NASP: variants seen among roughly 807,000 people sequenced by gnomAD.
The protein encoded by NASP is NASP histone chaperone.
In NASP, 24 loss-of-function variants were observed where a neutral mutation model predicts 89.5. The ratio of observed to expected loss-of-function variants is 0.27; its 90% CI spans 0.19 to 0.38. The LOEUF (loss-of-function observed/expected upper bound fraction) is 0.38, where lower values mean the gene tolerates loss of function less well. Ranked by LOEUF, NASP falls within the 10% of genes least tolerant of loss-of-function variation. The pLI is 1.00. For missense variants in NASP, 848 were observed against 921.4 expected, an observed-to-expected ratio of 0.92 and a Z score of 1.03; for synonymous variants, 306 against 324.7, an observed-to-expected ratio of 0.94 and a Z score of 0.62.
In NASP at chr1:45,587,855, A is replaced by G. The variant is rs75518163; in HGVS notation, c.60-3368A>G. On this transcript the variant is annotated intron_variant, in intron 1 of 14. Coordinates refer to ENST00000350030, the MANE Select transcript of NASP (RefSeq NM_002482.4). ...CAAAAATTAGCCGAGCATGGGTAGC[A>G]GGGTCCTGTAATCGCTTGAAACCGG... Among the ~76,000 whole-genome samples, 521 of 150,348 alleles carry G rather than the reference A, an allele frequency of 3.5e-3. 7 individuals are homozygous for G. The highest frequency in any genetic ancestry group is 0.034 in the East Asian group (172 of 5,006).
At chr1:45,609,232 C>T (rs1172208131) in intron 6 of NASP, 2 of 152,144 alleles carry the variant, frequency 1.3e-5, no homozygotes, top group African/African-American at 2.4e-5. Flanking sequence ...CATTAATAAC[C>T]ACAGGTATAT....
chr1:45,584,463 G>C (rs1408265350), intron 1 of NASP, among the ~76,000 whole-genome samples: 1 of 152,206 alleles, frequency 6.6e-6, no homozygotes, highest in Non-Finnish European at 1.5e-5. Context: ...AGCGGCGGCT[G>C]TATCCTTCGC....
chr1:45,599,210 C>T (rs1235699762), intron 2 of NASP, among the ~76,000 whole-genome samples: 1 of 152,054 alleles, frequency 6.6e-6, no homozygotes, highest in Non-Finnish European at 1.5e-5. Flanking sequence ...TTCACTGCAG[C>T]CTTGAATTCC....
intron 4 of NASP, among the ~76,000 whole-genome samples, chr1:45,606,220 A>C (rs1274671647): frequency 6.6e-6 from 1 of 152,222 alleles, no homozygotes; most frequent in African/African-American, 2.4e-5. Flanking sequence ...AATGGAATGC[A>C]TATAGGTCTT....
chr1:45,598,825 T>C (rs1353991643), intron 2 of NASP, among the ~76,000 whole-genome samples: 1 of 152,168 alleles, frequency 6.6e-6, no homozygotes, highest in Non-Finnish European at 1.5e-5. Flanking sequence ...GCCATTAATA[T>C]TCAGTTTTCC....
At chr1:45,584,462 T>A (rs551481816) in intron 1 of NASP, among the ~76,000 whole-genome samples, 40 of 152,270 alleles carry the variant, frequency 2.6e-4, no homozygotes, top group African/African-American at 8.7e-4. Context: ...CAGCGGCGGC[T>A]GTATCCTTCG....
intron 1 of NASP, among the ~76,000 whole-genome samples, chr1:45,587,224 C>G (rs1385966960): frequency 1.3e-5 from 2 of 150,208 alleles, no homozygotes; most frequent in African/African-American, 4.9e-5. Flanking sequence ...GGAGTTTTGT[C>G]ACCCAGGCTG....
At chr1:45,588,866 G>A (rs950668766) in intron 1 of NASP, 2 of 244,886 alleles carry the variant, frequency 8.2e-6, no homozygotes, top group South Asian at 7.4e-5. Context: ...GCAGTGAGCC[G>A]AGATCGAGAT....
At chr1:45,586,982 A>G (rs1644560051) in intron 1 of NASP, among the ~76,000 whole-genome samples, 1 of 152,094 alleles carries the variant, frequency 6.6e-6, no homozygotes, top group Non-Finnish European at 1.5e-5. Context: ...ACAGGCATGC[A>G]TCACCTCGCC....
intron 2 of NASP, chr1:45,600,473 T>C (rs1313520348): frequency 8.6e-7 from 1 of 1,157,740 alleles, no homozygotes; most frequent in Admixed American, 3.5e-5. Flanking sequence ...TACTGTTTCT[T>C]TTTGTATAGT....
In NASP at chr1:45,607,396, A is replaced by G. The variant is rs1643925168; in HGVS notation, c.485A>G (p.Asp162Gly). 1 of 1,614,064 alleles carries G rather than the reference A, an allele frequency of 6.2e-7. No homozygotes were observed. The highest frequency in any genetic ancestry group is 2.2e-5 in the East Asian group (1 of 44,894). Residue 162 changes from aspartate (D) to glycine (G), a missense_variant, in exon 6 of 15, where the codon GAC becomes GGC. This residue lies in a region of NASP where 464 missense variants were observed against 469.4 expected (regional missense o/e 0.99). Transcript: ENST00000350030. The stretch of plus-strand genomic sequence containing the variant: ...AAAGAAGAAGCCAAAAAAACAGAAG[A>G]CAAGTCTTTGGCAAAGCCTGAAACT... ...GEKEEAKKTE[D>G]KSLAKPETDK...
intron 6 of NASP, chr1:45,610,606 T>G (rs1437402333): frequency 6.6e-6 from 1 of 152,274 alleles, no homozygotes; most frequent in Non-Finnish European, 1.5e-5. Flanking sequence ...TGGTCTGTTC[T>G]TTTTCTCTTT....
chr1:45,615,520 T>G (rs1290053543), intron 11 of NASP, 49 bp downstream of exon 11: 1 of 1,542,048 alleles, frequency 6.5e-7, no homozygotes, highest in Non-Finnish European at 8.8e-7. Context: ...ACCATTTATG[T>G]TAATGTTCTA....
At chr1:45,590,371 G>C (rs571507343) in intron 1 of NASP, among the ~76,000 whole-genome samples, 2 of 151,822 alleles carry the variant, frequency 1.3e-5, no homozygotes, top group East Asian at 3.9e-4. Context: ...GTGAAACCCT[G>C]TCTCTACTAA....
chr1:45,588,631 G>GT (rs1169078470), intron 1 of NASP: 12 of 454,168 alleles, frequency 2.6e-5, no homozygotes, highest in Admixed American at 2.1e-4. Context: ...TCTAAGTATA[G>GT]TTTTTTTGTT....
chr1:45,602,690 C>T (rs1643868102), intron 3 of NASP, among the ~76,000 whole-genome samples: 1 of 152,166 alleles, frequency 6.6e-6, no homozygotes, highest in Non-Finnish European at 1.5e-5. Context: ...GTCACCCAGG[C>T]TGGAGTGCAG....
chr1:45,598,664 G>A (rs774365982), intron 2 of NASP, among the ~76,000 whole-genome samples: 3 of 152,014 alleles, frequency 2.0e-5, no homozygotes, highest in Non-Finnish European at 2.9e-5. Context: ...GGTCTAATAG[G>A]GATCTCAGAA....
chr1:45,613,652 G>A (rs1244367968), intron 7 of NASP, among the ~76,000 whole-genome samples: 2 of 152,068 alleles, frequency 1.3e-5, no homozygotes, highest in Non-Finnish European at 2.9e-5. Flanking sequence ...TGGCTAATTT[G>A]TTCTCTAATT....
chr1:45,594,546 CCAGGTTGGAGTA>C (rs1643640771), intron 2 of NASP: 1 of 334,018 alleles, frequency 3.0e-6, no homozygotes, highest in Admixed American at 3.5e-5. Flanking sequence ...ACTTCACTGC[CCAGGTTGGAGTA>C]CAGTGGAGCG....
Sources: allele counts gnomAD v4.1 joint callset (sites outside exome capture counted in the v4.1 genomes callset), GRCh38; gene constraint gnomAD v4.1.1; regional missense constraint gnomAD v4.1.1; transcripts MANE v1.5; gene names NCBI Gene and HGNC (gene_info 2026-07-23, HGNC 2026-07-21).